Variants in SLC25A44 observed in about 807,000 individuals in gnomAD.
The protein encoded by SLC25A44 is solute carrier family 25 member 44.
A neutral mutation model predicts 29.9 loss-of-function variants in SLC25A44; 17 were observed. The ratio of observed to expected loss-of-function variants is 0.57; its 90% confidence interval spans 0.39 to 0.85. The LOEUF (loss-of-function observed/expected upper bound fraction) is 0.85. Ranked by LOEUF, SLC25A44 falls within the 40% of genes least tolerant of loss-of-function variation. The pLI is 0.00. For missense variants in SLC25A44, 302 were observed against 398.4 expected (o/e 0.76, Z 2.06); for synonymous variants, 140 against 151.8 (o/e 0.92, Z 0.57).
In SLC25A44 at chr1:156,212,445, C is replaced by T. The variant is rs971529374; in HGVS notation, c.*2014C>T. Reference sequence around the variant, plus strand: ...CCCTCTTGTGTTTTTCTTTATTTCTCGTACACACACGCAGTTTTAAGGGTG... The same window carrying T: ...CCCTCTTGTGTTTTTCTTTATTTCTTGTACACACACGCAGTTTTAAGGGTG... On this transcript the variant is annotated 3_prime_UTR_variant, in exon 4 of 4. Transcript: ENST00000359511. 41 of 152,614 alleles carry T rather than the reference C, an allele frequency of 2.7e-4. No individual in the cohort carries two copies. The highest frequency in any genetic ancestry group is 8.7e-4 in the African/African-American group (36 of 41,430). 9.5% of individuals were successfully genotyped at this position (152,614 alleles called of 1,614,324 possible).
chr1:156,200,869 T>TAAAAA (rs1477906043), intron 2 of SLC25A44, among the ~76,000 whole-genome samples: 2 of 131,130 alleles, frequency 1.5e-5, no homozygotes, highest in African/African-American at 2.8e-5. Context: ...GGAGTCTCAC[T>TAAAAA]CTGTCACCTA....
chr1:156,200,512 T>A (rs1656498405), intron 2 of SLC25A44, 40 bp downstream of exon 2: 4 of 1,538,034 alleles, frequency 2.6e-6, no homozygotes, highest in Non-Finnish European at 3.5e-6. Flanking sequence ...AAGGTGGGAT[T>A]TCTAATGGGG....
chr1:156,208,670 C>T (rs1213051281), intron 3 of SLC25A44, among the ~76,000 whole-genome samples: 1 of 152,126 alleles, frequency 6.6e-6, no homozygotes, highest in Non-Finnish European at 1.5e-5. Flanking sequence ...CTTTACCTTG[C>T]AGGTTTGTGG....
rs1362421885 is a variant in SLC25A44 at position 156,211,795 on chromosome 1, G to A, written c.*1364G>A. The A allele has an allele frequency of 1.3e-5, 2 of 151,964 alleles. No individual in the cohort carries two copies. The highest frequency in any genetic ancestry group is 3.0e-5 in the Non-Finnish European group (2 of 67,722). 9.4% of individuals were successfully genotyped at this position (151,964 alleles called of 1,614,324 possible). On this transcript the variant is annotated 3_prime_UTR_variant, in exon 4 of 4. Coordinates refer to ENST00000359511, the MANE Select transcript of SLC25A44 (RefSeq NM_014655.4). Reference sequence around the variant, plus strand: ...TAGAGAGGTGCAGCAAATAGAGAAGGCATGTCAAACCCTGCATTTCTACCT... The same window carrying A: ...TAGAGAGGTGCAGCAAATAGAGAAGACATGTCAAACCCTGCATTTCTACCT...
In SLC25A44 at chr1:156,200,229, G is replaced by GTGCC; in HGVS notation, c.383_386dup (p.Ile130AlafsTer3). On this transcript the variant is annotated frameshift_variant, in exon 2 of 4. Coordinates refer to ENST00000359511, the MANE Select transcript of SLC25A44 (RefSeq NM_014655.4). LOFTEE classifies it high-confidence loss of function. ...CTCCCTTGTGGCCCAGAGCATCACAGTGCCCATTGATGTAGTCTCCCAGCA... is the reference window on the plus strand; with the variant it reads ...CTCCCTTGTGGCCCAGAGCATCACAGTGCCTGCCCATTGATGTAGTCTCCCAGCA... 1 of 1,614,212 alleles carries GTGCC rather than the reference G, an allele frequency of 6.2e-7. No homozygotes were observed. The highest frequency in any genetic ancestry group is 8.5e-7 in the Non-Finnish European group (1 of 1,180,046).
At chr1:156,210,134 C>G in intron 3 of SLC25A44, 106 bp from the exon 4 acceptor site, 1 of 757,086 alleles carries the variant, frequency 1.3e-6, no homozygotes. Flanking sequence ...TCCACACCTT[C>G]CGACGTCGGA....
intron 1 of SLC25A44, among the ~76,000 whole-genome samples, chr1:156,195,326 A>T (rs1656142989): frequency 6.6e-6 from 1 of 151,668 alleles, no homozygotes; most frequent in African/African-American, 2.4e-5. Flanking sequence ...GATGGTCTCG[A>T]TCTCCTGACC....
intron 3 of SLC25A44, 117 bp downstream of exon 3, chr1:156,208,130 T>C: frequency 1.1e-6 from 1 of 874,176 alleles, no homozygotes; most frequent in Non-Finnish European, 1.8e-6. Context: ...CCAGTCAGTC[T>C]TCTCCTGAAC....
Position 156,200,005 on chromosome 1 carries a change from T to C in SLC25A44, c.158T>C (p.Leu53Pro). ...TTGCAAGTTCAGAAGGGGAAGAGCCTCTACCATGGGACCTTCGATGCCTTC... is the reference window on the plus strand; with the variant it reads ...TTGCAAGTTCAGAAGGGGAAGAGCCCCTACCATGGGACCTTCGATGCCTTC... ...TRLQVQKGKS[L>P]YHGTFDAFIK... is the part of the protein sequence containing the mutation. The change falls in exon 2 of 4, where the codon CTC (leucine) becomes CCC (proline). Residue 53 changes from leucine (L) to proline (P), a missense_variant. Coordinates refer to ENST00000359511, the MANE Select transcript of SLC25A44 (RefSeq NM_014655.4). The C allele has an allele frequency of 1.2e-6, 2 of 1,614,166 alleles. No individual in the cohort carries two copies. The highest frequency in any genetic ancestry group is 1.7e-6 in the Non-Finnish European group (2 of 1,180,012).
At chr1:156,208,250 C>T (rs1657082806) in intron 3 of SLC25A44, among the ~76,000 whole-genome samples, 1 of 152,202 alleles carries the variant, frequency 6.6e-6, no homozygotes, top group Admixed American at 6.5e-5. Context: ...GGGCAGATCA[C>T]CTGAGCCCAG....
intron 2 of SLC25A44, among the ~76,000 whole-genome samples, chr1:156,203,734 C>T (rs1656737340): frequency 8.3e-6 from 1 of 120,342 alleles, no homozygotes; most frequent in Admixed American, 9.9e-5. Flanking sequence ...GACAGAGTCT[C>T]ACTCTGTTGC....
intron 2 of SLC25A44, among the ~76,000 whole-genome samples, chr1:156,205,288 C>T (rs184951387): frequency 9.5e-4 from 145 of 152,176 alleles, no homozygotes; most frequent in Middle Eastern, 3.4e-3. Context: ...GGTGATCGCC[C>T]GCCTCTGCCT....
chr1:156,207,623 C>G (rs1202456613), intron 2 of SLC25A44, among the ~76,000 whole-genome samples: 1 of 152,078 alleles, frequency 6.6e-6, no homozygotes, highest in African/African-American at 2.4e-5. Flanking sequence ...GCACTCCAAC[C>G]TGTGTGACAC....
At chr1:156,201,857 C>T (rs1656605047) in intron 2 of SLC25A44, among the ~76,000 whole-genome samples, 1 of 152,162 alleles carries the variant, frequency 6.6e-6, no homozygotes, top group Non-Finnish European at 1.5e-5. Flanking sequence ...GCCTTCTCTC[C>T]TCACTTGACT....
Position 156,210,522 on chromosome 1 carries a change from C to A in SLC25A44, c.*91C>A, listed in dbSNP as rs930394073. ...ACAGCACCCTCTCCAGGTGCTCCCACCACACACCCAGCCCTGCCCTGGGCC... is the reference window on the plus strand; with the variant it reads ...ACAGCACCCTCTCCAGGTGCTCCCAACACACACCCAGCCCTGCCCTGGGCC... On this transcript the variant is annotated 3_prime_UTR_variant, in exon 4 of 4. Coordinates refer to ENST00000359511, the MANE Select transcript of SLC25A44 (RefSeq NM_014655.4). 5.4e-6 allele frequency: 5 copies of A among 928,566 alleles called. No individual in the cohort carries two copies. The highest frequency in any genetic ancestry group is 1.7e-5 in the African/African-American group (1 of 58,354). 57.5% of individuals were successfully genotyped at this position (928,566 alleles called of 1,614,324 possible).
At chr1:156,194,701 C>G (rs1314605315) in intron 1 of SLC25A44, among the ~76,000 whole-genome samples, 1 of 152,086 alleles carries the variant, frequency 6.6e-6, no homozygotes, top group African/African-American at 2.4e-5. Context: ...GACAGGTGGG[C>G]AAGCATGTAC....
chr1:156,209,297 C>T (rs1268114840), intron 3 of SLC25A44, among the ~76,000 whole-genome samples: 1 of 152,034 alleles, frequency 6.6e-6, no homozygotes, highest in Admixed American at 6.6e-5. Context: ...GACCCAGAGG[C>T]ATAGGTGAAA....
In SLC25A44 at chr1:156,210,613, G is replaced by T; in HGVS notation, c.*182G>T. ...TCTTGCTGAAGAGGCTCCACGCCTG[G>T]ATCCCTTGCCCCCACTATTTAAAAT... On this transcript the variant is annotated 3_prime_UTR_variant, in exon 4 of 4. Transcript: ENST00000359511. 1 of 413,536 alleles carries T rather than the reference G, an allele frequency of 2.4e-6. No homozygotes were observed. Among genetic ancestry groups the T allele is most frequent in the Non-Finnish European group, 4.3e-6 (1 of 232,790 alleles). 25.6% of individuals were successfully genotyped at this position (413,536 alleles called of 1,614,324 possible).
chr1:156,200,575 G>A, intron 2 of SLC25A44, 103 bp downstream of exon 2: 2 of 1,063,324 alleles, frequency 1.9e-6, no homozygotes, highest in South Asian at 3.1e-5. Flanking sequence ...TTTAATGGGG[G>A]AATGGGTCAT....
Sources: allele counts gnomAD v4.1 joint callset (sites outside exome capture counted in the v4.1 genomes callset), GRCh38; gene constraint gnomAD v4.1.1; transcripts MANE v1.5; gene names NCBI Gene and HGNC (gene_info 2026-07-23, HGNC 2026-07-21).